Variants in ACBD5 observed in about 807,000 individuals in gnomAD.
ACBD5 encodes acyl-CoA binding domain containing 5, also known as acyl-CoA-binding domain-containing protein 5.
Under a neutral mutation model 71.8 loss-of-function variants are expected in ACBD5, and 40 were observed. The observed-to-expected ratio is 0.56, with a 90% CI of 0.43 to 0.72. The LOEUF is 0.72. Ranked by LOEUF, ACBD5 falls within the 30% of genes least tolerant of loss-of-function variation. ACBD5 has a pLI of 0.00. For missense variants in ACBD5, 559 were observed against 644.5 expected (o/e 0.87, Z 1.44); for synonymous variants, 229 against 218.6 (o/e 1.05, Z -0.42).
intron 3 of ACBD5, among the ~76,000 whole-genome samples, chr10:27,233,291 G>A (rs373262352): frequency 1.3e-5 from 2 of 152,132 alleles, no homozygotes; most frequent in East Asian, 3.9e-4. Context: ...GCCAGGCGTG[G>A]TGGCACGCGC....
chr10:27,201,330 C>T (rs1053096285), intron 12 of ACBD5, among the ~76,000 whole-genome samples: 1 of 152,166 alleles, frequency 6.6e-6, no homozygotes, highest in Non-Finnish European at 1.5e-5. Flanking sequence ...TATTTCTGAA[C>T]AAGAAGTCTG....
At chr10:27,206,952 G>A (rs1393170510) in intron 10 of ACBD5, among the ~76,000 whole-genome samples, 1 of 151,970 alleles carries the variant, frequency 6.6e-6, no homozygotes, top group East Asian at 1.9e-4. Flanking sequence ...ACTCCTGGAA[G>A]TCTAGGAATT....
At chr10:27,229,303 A>G (rs1001944460) in intron 4 of ACBD5, among the ~76,000 whole-genome samples, 28 of 152,078 alleles carry the variant, frequency 1.8e-4, no homozygotes, top group South Asian at 1.2e-3. Flanking sequence ...AATGACAGTG[A>G]CAGGCCAGGC....
At chr10:27,237,953 A>G (rs1005816983) in intron 2 of ACBD5, among the ~76,000 whole-genome samples, 1 of 130,650 alleles carries the variant, frequency 7.7e-6, no homozygotes, top group Non-Finnish European at 1.6e-5. Flanking sequence ...ATTTAATTTA[A>G]TTTTATTTTA....
At chr10:27,210,245 C>A (rs2060920072) in intron 9 of ACBD5, among the ~76,000 whole-genome samples, 1 of 152,160 alleles carries the variant, frequency 6.6e-6, no homozygotes, top group African/African-American at 2.4e-5. Context: ...GCATCCTGGA[C>A]CTCCACTGCA....
In ACBD5 at chr10:27,240,793, C is replaced by T; in HGVS notation, c.-105G>A. 6.6e-7 allele frequency: 1 copy of T among 1,508,302 alleles called. No homozygotes were observed. Among genetic ancestry groups the T allele is most frequent in the East Asian group, 2.5e-5 (1 of 40,676 alleles). The allele number at this position is 1,508,302 out of a possible 1,614,324, so 93.4% of individuals were successfully genotyped here. A position where few individuals can be genotyped will look rare whatever the true frequency, so the allele number is the denominator to read the frequency against. ...CCACACCCCCCATTCCGCCGGAGTC[C>T]GTCTGTCAGTCCGTGCCCTCCCCAC... is the stretch of plus-strand genomic sequence containing the variant. On this transcript the variant is annotated 5_prime_UTR_variant, in exon 1 of 13. Coordinates refer to ENST00000396271, the MANE Select transcript of ACBD5 (RefSeq NM_145698.5). This position sits in a 1 kb window ranked among gnomAD's most constrained non-coding sequence, Gnocchi z 4.1.
chr10:27,232,651 T>G (rs900183721), intron 3 of ACBD5, among the ~76,000 whole-genome samples: 29 of 152,118 alleles, frequency 1.9e-4, no homozygotes, highest in African/African-American at 7.0e-4. Flanking sequence ...TGAACAGACA[T>G]TTTGGTTAAC....
intron 13 of ACBD5, among the ~76,000 whole-genome samples, chr10:27,189,031 G>T (rs921703106): frequency 6.6e-6 from 1 of 152,174 alleles, no homozygotes; most frequent in Non-Finnish European, 1.5e-5. Flanking sequence ...CTGCCCAAAG[G>T]CAGGATATAA....
At chr10:27,213,722 A>G (rs1589136268) in intron 8 of ACBD5, among the ~76,000 whole-genome samples, 1 of 151,162 alleles carries the variant, frequency 6.6e-6, no homozygotes, top group East Asian at 1.9e-4. Context: ...ATCCCATTGC[A>G]CTCTAGCCTG....
chr10:27,234,167 T>C (rs1176756008), intron 3 of ACBD5, among the ~76,000 whole-genome samples: 3 of 152,230 alleles, frequency 2.0e-5, no homozygotes, highest in Non-Finnish European at 4.4e-5. Flanking sequence ...GTATCAACTG[T>C]TAGTCAACTG....
chr10:27,185,204 T>C (rs1040779320), intron 13 of ACBD5, among the ~76,000 whole-genome samples: 2 of 152,048 alleles, frequency 1.3e-5, no homozygotes, highest in African/African-American at 4.8e-5. Flanking sequence ...CTAAGGAGCG[T>C]GGTGATAGAA....
intron 13 of ACBD5, chr10:27,186,649 C>A: frequency 1.0e-6 from 1 of 1,002,024 alleles, no homozygotes; most frequent in Non-Finnish European, 1.6e-6. Context: ...TAACCTAGTT[C>A]AATGTGCTTT....
chr10:27,231,788 T>C lies in ACBD5; in HGVS notation c.335A>G (p.Lys112Arg), dbSNP rs756423116. The stretch of plus-strand genomic sequence containing the variant: ...AACATATGCAATCATGGCTTCCTCT[T>C]TGGTCATATCACCCAGTGAACTCCA... ...DAWSSLGDMT[K>R]EEAMIAYVEE... Residue 112 changes from lysine (K) to arginine (R), a missense_variant, in exon 4 of 13, where the codon AAA (lysine) becomes AGA (arginine). Transcript: ENST00000396271. The C allele has an allele frequency of 3.1e-6, 5 of 1,613,846 alleles. No homozygotes were observed. Among genetic ancestry groups the C allele is most frequent in the Non-Finnish European group, 2.5e-6 (3 of 1,179,954 alleles).
chr10:27,231,186 C>T (rs2063809408), intron 4 of ACBD5, among the ~76,000 whole-genome samples: 4 of 152,128 alleles, frequency 2.6e-5, no homozygotes, highest in Admixed American at 2.6e-4. Context: ...ACACTTTCTC[C>T]AGAAGTTGAC....
At chr10:27,241,002 T>A, upstream of ACBD5, 1 of 539,174 alleles carries the variant, frequency 1.9e-6, no homozygotes, top group Non-Finnish European at 3.3e-6. Flanking sequence ...GGGAGCACAC[T>A]GTGCGCGCTT....
chr10:27,235,258 T>G, intron 2 of ACBD5, 46 bp from the exon 3 acceptor site: 11 of 1,609,262 alleles, frequency 6.8e-6, no homozygotes, highest in African/African-American at 1.3e-5. Context: ...GGAATACAAC[T>G]GATAATCAGG....
chr10:27,232,509 G>A (rs2064022166), intron 3 of ACBD5, among the ~76,000 whole-genome samples: 2 of 151,872 alleles, frequency 1.3e-5, no homozygotes, highest in Non-Finnish European at 2.9e-5. Flanking sequence ...TTGTATTTTA[G>A]TAGAGATGGA....
intron 8 of ACBD5, 99 bp from the exon 9 acceptor site, chr10:27,211,180 T>A (rs1453500790): frequency 8.3e-7 from 1 of 1,210,384 alleles, no homozygotes; most frequent in African/African-American, 1.5e-5. Context: ...TCCTAAAATG[T>A]TCTTTCATGT....
At position 27,215,624 on chromosome 10, in the gene ACBD5, C is replaced by A. The variant is rs536162700; in HGVS notation, c.847G>T (p.Val283Phe). The change falls in exon 8 of 13, where the codon GTT becomes TTT. Residue 283 changes from valine to phenylalanine, a missense_variant. Physicochemically the swap from Val to Phe is conservative, Grantham distance 50. Transcript: ENST00000396271. ...TGCTGAATTCCTGTAACATCTTCAA[C>A]ATGATCATCATTTATATCTAAATAT... ...CIHQDINDDH[V>F]EDVTGIQHLT... is the part of the protein sequence containing the mutation. 3 of 1,611,318 alleles carry A rather than the reference C, an allele frequency of 1.9e-6. No homozygotes were observed. In the African/African-American group the frequency reaches 4.0e-5, roughly 21 times the overall value.
Sources: gnomAD v4.1 joint callset for allele counts (sites outside exome capture counted in the v4.1 genomes callset) on GRCh38, gnomAD v4.1.1 for gene constraint, Gnocchi (gnomAD v3.1) non-coding constraint, MANE v1.5 for transcripts, NCBI Gene and HGNC (gene_info 2026-07-23, HGNC 2026-07-21) for gene names.